NMRK1: variants seen among roughly 807,000 people sequenced by gnomAD.
NMRK1 encodes nicotinamide riboside kinase 1, also known as NRK 1.
A neutral mutation model predicts 29.9 loss-of-function variants in NMRK1; 28 were observed. The ratio of observed to expected loss-of-function variants is 0.94; its 90% CI spans 0.69 to 1.28. The LOEUF is 1.28. Ranked by LOEUF, NMRK1 falls within the 50% of genes most tolerant of loss-of-function variation. The pLI is 0.00. For missense variants in NMRK1, 218 were observed against 233.1 expected (o/e 0.94, Z 0.42); for synonymous variants, 58 against 73.0 (o/e 0.79, Z 1.05).
At position 75,064,260 on chromosome 9, in the gene NMRK1, G is replaced by A. The variant is rs1265386587; in HGVS notation, c.580+2497C>T. ...AGGCCAAACTCCAGTGTATCACTTA[G>A]TCATAAAGGAAAGCTGGACCCAAGC... On this transcript the variant is annotated intron_variant, in intron 8 of 8. Transcript: ENST00000361092. Among the ~76,000 whole-genome samples the A allele has an allele frequency of 2.6e-5, 4 of 152,136 alleles. No individual in the cohort carries two copies. In the East Asian group the frequency reaches 7.7e-4, roughly 29 times the overall value.
At chr9:75,078,729 A>G (rs1263004938) in intron 2 of NMRK1, 2 of 242,544 alleles carry the variant, frequency 8.2e-6, no homozygotes, top group East Asian at 2.2e-4. Flanking sequence ...AAGAGAAATC[A>G]CAGATGTTTT....
rs762999551 is a variant in NMRK1 at position 75,077,169 on chromosome 9, C to A, written c.159G>T (p.Leu53Phe). 17 of 1,589,178 alleles carry A rather than the reference C, an allele frequency of 1.1e-5. No homozygotes were observed. Among genetic ancestry groups the A allele is most frequent in the Middle Eastern group, 3.3e-4 (2 of 6,004 alleles). ...SEIETDKNGF[L>F]QYDVLEALNM... ...AGTAAATCTACTTACCATCGTACTG[C>A]AAAAATCCATTTTTATCTGTCTCTA... Residue 53 changes from leucine (L) to phenylalanine (F), a missense_variant, in exon 4 of 9, where the codon TTG becomes TTT. Physicochemically the swap from Leu to Phe is conservative, Grantham distance 22. Transcript: ENST00000361092.
chr9:75,076,970 C>A (rs1433092687), intron 4 of NMRK1, among the ~76,000 whole-genome samples, 189 bp downstream of exon 4: 1 of 152,094 alleles, frequency 6.6e-6, no homozygotes, highest in East Asian at 1.9e-4. Context: ...AATCAGAAAC[C>A]TACAAATGCA....
intron 7 of NMRK1, 132 bp downstream of exon 7, chr9:75,068,864 T>C (rs1057042659): frequency 3.4e-6 from 2 of 596,888 alleles, no homozygotes; most frequent in African/African-American, 3.7e-5. Context: ...GAGAACCAGC[T>C]ATGGAAAAGG....
At chr9:75,085,154 T>C (rs1824544680) in intron 1 of NMRK1, among the ~76,000 whole-genome samples, 1 of 152,206 alleles carries the variant, frequency 6.6e-6, no homozygotes, top group African/African-American at 2.4e-5. Context: ...TCATAAAACC[T>C]TGTCATTCCT....
intron 8 of NMRK1, chr9:75,066,289 A>G (rs1234854380): frequency 1.9e-6 from 1 of 518,318 alleles, no homozygotes; most frequent in Non-Finnish European, 3.9e-6. Context: ...AGTGCCGTCC[A>G]ATATGAAAAC....
rs1455198532 is a variant in NMRK1, at chr9:75,069,001, TC to T, written c.490del (p.Glu164LysfsTer22). On this transcript the variant is annotated frameshift_variant, in exon 7 of 9. Coordinates refer to ENST00000361092, the MANE Select transcript of NMRK1 (RefSeq NM_017881.3). LOFTEE classifies it high-confidence loss of function. ...YRQEMQDITW[E>X]VVYLDGTKSE... ...GAAGGAGAAAAGGCACTTACCAACT[TC>T]CCATGTGATGTCCTGCATTTCTTGT... 1 of 1,611,054 alleles carries T rather than the reference TC, an allele frequency of 6.2e-7. No homozygotes were observed. The highest frequency in any genetic ancestry group is 1.7e-5 in the Admixed American group (1 of 59,980).
chr9:75,069,047 G>C lies in NMRK1; in HGVS notation c.445C>G (p.Pro149Ala), dbSNP rs776697956. The change falls in exon 7 of 9, where the codon CCC becomes GCC. Residue 149 changes from proline to alanine, a missense_variant. By Grantham distance (27) the Pro-to-Ala change is conservative (BLOSUM62 -1). Transcript: ENST00000361092. ...SPGYFDGHVW[P>A]MYLKYRQEMQ... ...TCTTGTCTGTACTTTAGATACATGG[G>C]CCACACATGGCCATCAAAGTATCCC... The C allele has an allele frequency of 6.8e-6, 11 of 1,614,096 alleles. No homozygotes were observed. The South Asian group carries it at 7.7e-5, about 11-fold the overall frequency.
At chr9:75,069,486 G>A in intron 6 of NMRK1, 2 of 500,826 alleles carry the variant, frequency 4.0e-6, no homozygotes, top group Non-Finnish European at 7.0e-6. Context: ...TAATCACCAT[G>A]GGCTTGCTTT....
intron 1 of NMRK1, chr9:75,087,590 T>C (rs2118310718): frequency 6.6e-6 from 1 of 151,174 alleles, no homozygotes; most frequent in East Asian, 2.0e-4. Context: ...TTATATTTCT[T>C]TTTATTTCTT....
intron 4 of NMRK1, among the ~76,000 whole-genome samples, chr9:75,070,612 T>C (rs1188375950): frequency 2.6e-5 from 4 of 152,214 alleles, no homozygotes; most frequent in Non-Finnish European, 5.9e-5. Context: ...AGCCTATAGC[T>C]TTTAAAAGTA....
At position 75,068,613 on chromosome 9, in the gene NMRK1, C is replaced by T. The variant is rs183369819; in HGVS notation, c.496+383G>A. Among the ~76,000 whole-genome samples, 559 of 152,314 alleles carry T rather than the reference C, an allele frequency of 3.7e-3. 4 individuals carry two copies. The highest frequency in any genetic ancestry group is 5.1e-3 in the Non-Finnish European group (349 of 68,024). On this transcript the variant is annotated intron_variant, in intron 7 of 8. Coordinates refer to ENST00000361092, the MANE Select transcript of NMRK1 (RefSeq NM_017881.3). Reference sequence around the variant, plus strand: ...AAGCCTTTCCTGACTACCGGGATCTCGGCAGTCCCCTAGAACTTGGTGTCG... The same window carrying T: ...AAGCCTTTCCTGACTACCGGGATCTTGGCAGTCCCCTAGAACTTGGTGTCG...
chr9:75,070,898 T>C (rs984854964), intron 4 of NMRK1, among the ~76,000 whole-genome samples: 23 of 152,200 alleles, frequency 1.5e-4, no homozygotes, highest in African/African-American at 5.1e-4. Context: ...GTGTTCATAA[T>C]ATCCTTTTAT....
At chr9:75,069,576 G>A (rs781355334) in intron 6 of NMRK1, 166 bp downstream of exon 6, 4 of 622,684 alleles carry the variant, frequency 6.4e-6, no homozygotes, top group Non-Finnish European at 5.5e-6. Flanking sequence ...TACTCCATGC[G>A]GATGACCATT....
chr9:75,069,460 A>G, intron 6 of NMRK1: 2 of 482,670 alleles, frequency 4.1e-6, no homozygotes, highest in Non-Finnish European at 7.3e-6. Context: ...GAACAGGCTC[A>G]CTTACATTAA....
chr9:75,062,892 C>T (rs551131260), intron 8 of NMRK1, among the ~76,000 whole-genome samples: 2 of 152,168 alleles, frequency 1.3e-5, no homozygotes, highest in African/African-American at 2.4e-5. Flanking sequence ...ATTAGCAGGG[C>T]GTGGTAGTGC....
At chr9:75,065,895 CGTT>C (rs1159858478) in intron 8 of NMRK1, among the ~76,000 whole-genome samples, 2 of 152,180 alleles carry the variant, frequency 1.3e-5, no homozygotes, top group Admixed American at 6.5e-5. Context: ...TTTATCAACT[CGTT>C]GTCAAATCTT....
chr9:75,072,188 G>A (rs1250449422), intron 4 of NMRK1, among the ~76,000 whole-genome samples: 1 of 152,116 alleles, frequency 6.6e-6, no homozygotes, highest in African/African-American at 2.4e-5. Context: ...TACTTCTCCT[G>A]TATATGTAGG....
intron 1 of NMRK1, chr9:75,087,509 G>C (rs561786950): frequency 4.6e-5 from 7 of 151,830 alleles, no homozygotes; most frequent in Non-Finnish European, 1.5e-5. Flanking sequence ...AAATGAGCGT[G>C]ACCGTGTTCC....
Sources: allele counts gnomAD v4.1 joint callset (sites outside exome capture counted in the v4.1 genomes callset), GRCh38; gene constraint gnomAD v4.1.1; transcripts MANE v1.5; gene names NCBI Gene and HGNC (gene_info 2026-07-23, HGNC 2026-07-21).